Variants in GLIS3 observed in about 807,000 individuals in gnomAD.
GLIS3 encodes the protein GLIS family zinc finger 3, also known as zinc finger protein GLIS3.
Under a neutral mutation model 78.6 loss-of-function variants are expected in GLIS3, and 53 were observed. The observed-to-expected ratio is 0.67, with a 90% CI of 0.54 to 0.85. GLIS3 has a LOEUF of 0.85. Among genes scored for constraint, GLIS3 ranks in the 40% least tolerant of loss-of-function variants. The pLI, the probability that GLIS3 is intolerant of heterozygous loss-of-function variation, is 0.00. For synonymous variants in GLIS3, 684 were observed against 509.9 expected, an observed-to-expected ratio of 1.34 and a Z score of -4.60; for missense variants, 1,703 against 1,231.1, an observed-to-expected ratio of 1.38 and a Z score of -5.74.
At chr9:4,412,532 A>C in the GLIS3 span, among the ~76,000 whole-genome samples, 14 of 152,296 alleles carry the variant, frequency 9.2e-5, no homozygotes, top group East Asian at 5.8e-4. Context: ...CCCCTGCTAG[A>C]CTTAGGGACA....
At chr9:3,831,262 T>G (rs1818027937) in intron 9 of GLIS3, among the ~76,000 whole-genome samples, 1 of 152,206 alleles carries the variant, frequency 6.6e-6, no homozygotes, top group Non-Finnish European at 1.5e-5. Context: ...AAAGCTATTG[T>G]CTTTTTCCCT....
intron 4 of GLIS3, 26 bp from the exon 5 acceptor site, chr9:3,937,215 G>T (rs2130795521): frequency 6.2e-7 from 1 of 1,613,538 alleles, no homozygotes; most frequent in Non-Finnish European, 8.5e-7. Flanking sequence ...AATTTTTGGT[G>T]GTTGAGAAGG....
chr9:4,174,150 T>C (rs1816624992), intron 2 of GLIS3, among the ~76,000 whole-genome samples: 1 of 152,146 alleles, frequency 6.6e-6, no homozygotes, highest in Non-Finnish European at 1.5e-5. Context: ...AAATAATAGT[T>C]TGCCCCCAAA....
intron 4 of GLIS3, chr9:4,054,332 AC>A (rs558672326): frequency 2.6e-5 from 26 of 985,250 alleles, no homozygotes; most frequent in African/African-American, 2.4e-4. Flanking sequence ...ACTCCACAAG[AC>A]CTCCACCTTT....
chr9:3,984,562 C>T (rs967184380), intron 4 of GLIS3, among the ~76,000 whole-genome samples: 23 of 152,148 alleles, frequency 1.5e-4, no homozygotes, highest in African/African-American at 5.5e-4. Context: ...TTTGATTTTA[C>T]AGGTGGAAAG....
intron 2 of GLIS3, among the ~76,000 whole-genome samples, chr9:4,144,557 G>C (rs1465677106): frequency 2.6e-5 from 4 of 152,192 alleles, no homozygotes; most frequent in Non-Finnish European, 1.5e-5. Flanking sequence ...CAAAAAGTCA[G>C]AGATGTGGTT....
the GLIS3 span, among the ~76,000 whole-genome samples, chr9:4,446,969 C>T: frequency 2.6e-3 from 397 of 152,132 alleles, 3 homozygotes; most frequent in African/African-American, 7.8e-3. Flanking sequence ...AAACGTGCCC[C>T]GTGATTCTTA....
chr9:4,302,206 C>T (rs141522413), upstream of GLIS3, among the ~76,000 whole-genome samples: 1 of 152,256 alleles, frequency 6.6e-6, no homozygotes, highest in East Asian at 1.9e-4. Context: ...AAATGATACT[C>T]TCCCTTACCC....
At chr9:4,467,001 G>T in the GLIS3 span, among the ~76,000 whole-genome samples, 17 of 152,364 alleles carry the variant, frequency 1.1e-4, no homozygotes, top group African/African-American at 4.1e-4. Flanking sequence ...ACCTGGCTCG[G>T]CGGGTCCCAT....
intron 9 of GLIS3, among the ~76,000 whole-genome samples, chr9:3,830,867 A>G (rs373761723): frequency 2.6e-5 from 4 of 152,180 alleles, no homozygotes; most frequent in Non-Finnish European, 2.9e-5. Flanking sequence ...CATCCAACCT[A>G]CTATGCTCTC....
chr9:4,018,433 T>C (rs1822612071), intron 4 of GLIS3, among the ~76,000 whole-genome samples: 1 of 152,168 alleles, frequency 6.6e-6, no homozygotes, highest in African/African-American at 2.4e-5. Flanking sequence ...GCTGGTTGTT[T>C]CCCATAAACT....
intron 2 of GLIS3, among the ~76,000 whole-genome samples, chr9:4,212,948 T>C (rs1254862647): frequency 6.6e-6 from 1 of 152,102 alleles, no homozygotes; most frequent in Non-Finnish European, 1.5e-5. Flanking sequence ...TTGCTGGAGA[T>C]GAATGGAAGA....
chr9:4,025,915 T>G (rs1823297684), intron 4 of GLIS3, among the ~76,000 whole-genome samples: 1 of 152,132 alleles, frequency 6.6e-6, no homozygotes, highest in Non-Finnish European at 1.5e-5. Context: ...AATAGATTAT[T>G]GAGAAATAAT....
At chr9:3,905,554 A>G (rs1034951373) in intron 6 of GLIS3, among the ~76,000 whole-genome samples, 2 of 152,122 alleles carry the variant, frequency 1.3e-5, no homozygotes. Flanking sequence ...TAGTAACATG[A>G]ATGCCTGCAA....
chr9:4,390,179 G>T, the GLIS3 span, among the ~76,000 whole-genome samples: 6 of 152,312 alleles, frequency 3.9e-5, no homozygotes, highest in South Asian at 1.2e-3. Flanking sequence ...TCCAAATTGT[G>T]GAGAATAAAG....
intron 2 of GLIS3, among the ~76,000 whole-genome samples, chr9:4,197,806 A>G: frequency 6.6e-6 from 1 of 152,174 alleles, no homozygotes; most frequent in Admixed American, 6.5e-5. Context: ...ACTGGCTTGT[A>G]GGTCAAACTG....
intron 4 of GLIS3, among the ~76,000 whole-genome samples, chr9:4,097,673 T>A (rs557349106): frequency 1.3e-5 from 2 of 152,324 alleles, no homozygotes; most frequent in Admixed American, 1.3e-4. Context: ...CATCGGTATG[T>A]GCAGTGCTAT....
chr9:4,444,465 C>T, the GLIS3 span, among the ~76,000 whole-genome samples: 2 of 152,216 alleles, frequency 1.3e-5, no homozygotes, highest in Non-Finnish European at 2.9e-5. Context: ...TGATAATCTC[C>T]TGGCTCTAAT....
At chr9:3,864,500 G>C (rs1820439996) in intron 8 of GLIS3, among the ~76,000 whole-genome samples, 3 of 152,184 alleles carry the variant, frequency 2.0e-5, no homozygotes, top group Non-Finnish European at 4.4e-5. Flanking sequence ...GCAGAACTTT[G>C]AGAACCAACT....
Sources: gnomAD v4.1 joint callset for allele counts (sites outside exome capture counted in the v4.1 genomes callset) on GRCh38, gnomAD v4.1.1 for gene constraint, MANE v1.5 for transcripts, NCBI Gene and HGNC (gene_info 2026-07-23, HGNC 2026-07-21) for gene names.